FHIT: variants seen among roughly 807,000 people sequenced by gnomAD.
FHIT encodes the protein bis(5'-adenosyl)-triphosphatase.
In FHIT, 19 loss-of-function variants were observed where a neutral mutation model predicts 17.9. The ratio of observed to expected loss-of-function variants is 1.06; its 90% CI spans 0.74 to 1.56. The LOEUF (loss-of-function observed/expected upper bound fraction) is 1.56, where lower values mean the gene tolerates loss of function less well. Among genes scored for constraint, FHIT ranks in the 40% most tolerant of loss-of-function variants. The pLI, the probability that FHIT is intolerant of heterozygous loss-of-function variation, is 0.00. For synonymous variants in FHIT, 81 were observed against 69.7 expected, an observed-to-expected ratio of 1.16 and a Z score of -0.81; for missense variants, 248 against 189.2, an observed-to-expected ratio of 1.31 and a Z score of -1.82.
intron 3 of FHIT, among the ~76,000 whole-genome samples, chr3:60,878,767 G>T (rs1369634664): frequency 2.0e-5 from 3 of 151,894 alleles, no homozygotes; most frequent in African/African-American, 7.3e-5. Context: ...GCAATAATTT[G>T]CTGAGAATGA....
At chr3:60,205,644 C>T (rs564823888) in intron 5 of FHIT, among the ~76,000 whole-genome samples, 4 of 151,948 alleles carry the variant, frequency 2.6e-5, no homozygotes, top group Non-Finnish European at 1.5e-5. Context: ...GTCATGTGTA[C>T]GGGAATGGGA....
intron 3 of FHIT, among the ~76,000 whole-genome samples, chr3:61,000,877 T>C (rs893648994): frequency 5.3e-5 from 8 of 152,132 alleles, no homozygotes; most frequent in African/African-American, 1.9e-4. Context: ...AGGGCAGCGA[T>C]GGGCAGTGAG....
At chr3:60,562,262 AAC>A (rs2036979288) in intron 4 of FHIT, among the ~76,000 whole-genome samples, 1 of 152,220 alleles carries the variant, frequency 6.6e-6, no homozygotes, top group Non-Finnish European at 1.5e-5. Flanking sequence ...CAGTGAACAA[AAC>A]AGACAGTCTC....
At chr3:60,118,385 C>T (rs1015195601) in intron 5 of FHIT, among the ~76,000 whole-genome samples, 1 of 151,256 alleles carries the variant, frequency 6.6e-6, no homozygotes, top group African/African-American at 2.4e-5. Flanking sequence ...TGGGATTATA[C>T]GTGTGAGCCA....
At chr3:60,574,487 GCA>G (rs2037498724) in intron 4 of FHIT, among the ~76,000 whole-genome samples, 3 of 151,556 alleles carry the variant, frequency 2.0e-5, no homozygotes, top group African/African-American at 7.3e-5. Context: ...GTTGAGGCAG[GCA>G]CTACGAGCTT....
At chr3:60,834,699 A>C (rs1314937022) in intron 3 of FHIT, among the ~76,000 whole-genome samples, 1 of 150,412 alleles carries the variant, frequency 6.6e-6, no homozygotes, top group Non-Finnish European at 1.5e-5. Flanking sequence ...ACTAAAAAGA[A>C]AAAAAAAATA....
intron 9 of FHIT, chr3:59,751,148 CAAGT>C (rs1490190394): frequency 1.7e-5 from 3 of 179,902 alleles, no homozygotes; most frequent in Non-Finnish European, 3.6e-5. Flanking sequence ...TTCAGATAAA[CAAGT>C]AATTTTTTTA....
chr3:60,550,488 G>A (rs1252928938), intron 4 of FHIT, among the ~76,000 whole-genome samples: 1 of 152,062 alleles, frequency 6.6e-6, no homozygotes, highest in Non-Finnish European at 1.5e-5. Flanking sequence ...ATTTTCAATT[G>A]TTAACAAGTC....
At chr3:59,782,483 C>T (rs1702636833) in intron 8 of FHIT, among the ~76,000 whole-genome samples, 1 of 152,166 alleles carries the variant, frequency 6.6e-6, no homozygotes, top group Admixed American at 6.6e-5. Context: ...AACAGGATAT[C>T]TGCACATGCC....
At chr3:61,198,390 C>G (rs1246585679) in intron 2 of FHIT, among the ~76,000 whole-genome samples, 1 of 152,148 alleles carries the variant, frequency 6.6e-6, no homozygotes, top group Non-Finnish European at 1.5e-5. Flanking sequence ...CTTAGCCAAG[C>G]TTGTGGTCAT....
chr3:60,145,658 C>T (rs567896852), intron 5 of FHIT, among the ~76,000 whole-genome samples: 77 of 152,296 alleles, frequency 5.1e-4, no homozygotes, highest in African/African-American at 1.7e-3. Flanking sequence ...TCCTAGCTGA[C>T]ATACCAGTTT....
At chr3:60,332,229 T>G (rs1292000193) in intron 5 of FHIT, among the ~76,000 whole-genome samples, 1 of 152,332 alleles carries the variant, frequency 6.6e-6, no homozygotes, top group South Asian at 2.1e-4. Context: ...GAAAATTTTC[T>G]ACTATCTCAA....
intron 4 of FHIT, among the ~76,000 whole-genome samples, chr3:60,720,517 T>C (rs1400732577): frequency 1.3e-5 from 2 of 152,192 alleles, no homozygotes; most frequent in Admixed American, 1.3e-4. Flanking sequence ...TAATATATTT[T>C]GAATATTAGT....
intron 5 of FHIT, among the ~76,000 whole-genome samples, chr3:60,172,495 C>T (rs988881635): frequency 8.6e-5 from 13 of 151,314 alleles, no homozygotes; most frequent in Middle Eastern, 3.4e-3. Context: ...AGGCTGGTCT[C>T]GAACTCCCAA....
chr3:60,981,722 T>G (rs1710504967), intron 3 of FHIT, among the ~76,000 whole-genome samples: 1 of 150,544 alleles, frequency 6.6e-6, no homozygotes, highest in South Asian at 2.1e-4. Flanking sequence ...GAGCCTCCCT[T>G]CTCAGTCTCC....
intron 7 of FHIT, among the ~76,000 whole-genome samples, chr3:59,923,467 A>C (rs1049353850): frequency 3.4e-4 from 52 of 152,172 alleles, no homozygotes; most frequent in Non-Finnish European, 2.4e-4. Flanking sequence ...GGTAATATAC[A>C]TAGCAATGCT....
intron 5 of FHIT, among the ~76,000 whole-genome samples, chr3:60,426,544 A>G (rs1005712608): frequency 1.6e-4 from 24 of 152,094 alleles, no homozygotes; most frequent in African/African-American, 4.6e-4. Context: ...CACTGCTCAC[A>G]TTCATTCATT....
At chr3:60,948,232 C>T (rs1553776201) in intron 3 of FHIT, among the ~76,000 whole-genome samples, 1 of 152,156 alleles carries the variant, frequency 6.6e-6, no homozygotes, top group Non-Finnish European at 1.5e-5. Flanking sequence ...TGCTTCTGAA[C>T]TCTAAGCACT....
intron 5 of FHIT, among the ~76,000 whole-genome samples, chr3:60,329,307 A>T (rs1546830): frequency 0.56 from 85,802 of 151,954 alleles, 25,171 homozygotes; most frequent in South Asian, 0.73. Flanking sequence ...CATTAGCTTT[A>T]AAAAACAGCT....
Sources: allele counts gnomAD v4.1 joint callset (sites outside exome capture counted in the v4.1 genomes callset), GRCh38; gene constraint gnomAD v4.1.1; transcripts MANE v1.5; gene names NCBI Gene and HGNC (gene_info 2026-07-23, HGNC 2026-07-21).